Variants in TBL1XR1 observed in about 807,000 individuals in gnomAD.
TBL1XR1 encodes the protein TBL1X/Y related 1.
A neutral mutation model predicts 66.9 loss-of-function variants in TBL1XR1; 5 were observed. The observed-to-expected ratio is 0.07, with a 90% CI of 0.04 to 0.16. The LOEUF (loss-of-function observed/expected upper bound fraction) is 0.16, where lower values mean the gene tolerates loss of function less well. Ranked by LOEUF, TBL1XR1 falls within the 10% of genes least tolerant of loss-of-function variation. TBL1XR1 has a pLI of 1.00. For missense variants in TBL1XR1, 238 were observed against 623.2 expected, an observed-to-expected ratio of 0.38 and a Z score of 6.58; for synonymous variants, 210 against 206.0, an observed-to-expected ratio of 1.02 and a Z score of -0.17.
chr3:177,079,217 G>C (rs1382081210), intron 2 of TBL1XR1, among the ~76,000 whole-genome samples: 2 of 151,790 alleles, frequency 1.3e-5, no homozygotes, highest in African/African-American at 4.8e-5. Flanking sequence ...GGATCCCGAG[G>C]TCAGGAGATC....
At chr3:177,051,240 G>A (rs1717036607) in intron 5 of TBL1XR1, among the ~76,000 whole-genome samples, 1 of 151,894 alleles carries the variant, frequency 6.6e-6, no homozygotes, top group Non-Finnish European at 1.5e-5. Flanking sequence ...AGAAGATGGG[G>A]CATTTCTTCT....
chr3:177,167,714 T>G (rs558830427), intron 1 of TBL1XR1, among the ~76,000 whole-genome samples: 74 of 152,258 alleles, frequency 4.9e-4, no homozygotes, highest in African/African-American at 1.7e-3. Flanking sequence ...GCGGATCACC[T>G]AAGGTTGGGA....
At chr3:177,144,394 T>C (rs1459291207) in intron 1 of TBL1XR1, among the ~76,000 whole-genome samples, 5 of 152,142 alleles carry the variant, frequency 3.3e-5, no homozygotes, top group Non-Finnish European at 5.9e-5. Context: ...AAGGGCCAGA[T>C]AGTAATTCTT....
At chr3:177,123,808 A>G (rs1470766760) in intron 1 of TBL1XR1, among the ~76,000 whole-genome samples, 2 of 121,868 alleles carry the variant, frequency 1.6e-5, no homozygotes, top group African/African-American at 6.1e-5. Context: ...CAATCTACTC[A>G]AGTGGATCAT....
intron 2 of TBL1XR1, among the ~76,000 whole-genome samples, chr3:177,091,648 A>G (rs1722857737): frequency 6.6e-6 from 1 of 152,190 alleles, no homozygotes; most frequent in Non-Finnish European, 1.5e-5. Context: ...AATACAAACT[A>G]CAGTCAATAA....
rs368291107 is a variant in TBL1XR1, at chr3:177,096,335, T to TACATACACACACACAC, written c.-46+2130_-46+2131insGTGTGTGTGTGTATGT. Among the ~76,000 whole-genome samples the TACATACACACACACAC allele has an allele frequency of 2.1e-3, 310 of 150,314 alleles. 3 individuals carry two copies. The highest frequency in any genetic ancestry group is 3.7e-3 in the Non-Finnish European group (253 of 67,552). On this transcript the variant is annotated intron_variant, in intron 2 of 15. Coordinates refer to ENST00000457928, the MANE Select transcript of TBL1XR1 (RefSeq NM_024665.7). ...TCTAACACACACTAACATACATACATACACACACACACACACACTTAAATT... is the reference window on the plus strand; with the variant it reads ...TCTAACACACACTAACATACATACATACATACACACACACACACACACACACACACACACTTAAATT...
chr3:177,089,230 T>C (rs1316544818), intron 2 of TBL1XR1, among the ~76,000 whole-genome samples: 2 of 152,176 alleles, frequency 1.3e-5, no homozygotes, highest in Non-Finnish European at 2.9e-5. Flanking sequence ...TATTCATCAA[T>C]GCAGAAGAGG....
rs1399373954 is a variant in TBL1XR1 at position 177,112,105 on chromosome 3, ATATTTTTTT to A, written c.-121-13573_-121-13565del. On this transcript the variant is annotated intron_variant, in intron 1 of 15. Coordinates refer to ENST00000457928, the MANE Select transcript of TBL1XR1 (RefSeq NM_024665.7). ...TATATATATATATATATATATATATATATTTTTTTTTTTTTTTTTTGTGAGGGGCTCTGA... is the reference window on the plus strand; with the variant it reads ...TATATATATATATATATATATATATATTTTTTTTTTTGTGAGGGGCTCTGA... 9.9e-5 allele frequency among the ~76,000 whole-genome samples: 4 copies of A among 40,282 alleles called. No individual in the cohort carries two copies. The East Asian group carries it at 3.5e-3, about 35-fold the overall frequency. The allele number at this position is 40,282 out of a possible 152,430, so 26.4% of individuals were successfully genotyped here. A position where few individuals can be genotyped will look rare whatever the true frequency, so the allele number is the denominator to read the frequency against.
In TBL1XR1 at chr3:177,147,338, G is replaced by A. The variant is rs368589200; in HGVS notation, c.-121-48797C>T. On this transcript the variant is annotated intron_variant, in intron 1 of 15. Coordinates refer to ENST00000457928, the MANE Select transcript of TBL1XR1 (RefSeq NM_024665.7). ...TGCTGGGATTACAGGGATGAGCCAC[G>A]ATGCCCGACCAAGTAAAACTTCGTT... Among the ~76,000 whole-genome samples, 16 of 152,140 alleles carry A rather than the reference G, an allele frequency of 1.1e-4. No individual in the cohort carries two copies. In the South Asian group the frequency reaches 1.5e-3, roughly 14 times the overall value.
intron 3 of TBL1XR1, among the ~76,000 whole-genome samples, chr3:177,057,030 G>C (rs1001881737): frequency 2.0e-5 from 3 of 152,142 alleles, no homozygotes; most frequent in Non-Finnish European, 4.4e-5. Flanking sequence ...TCATAACAAA[G>C]GTCAAACGCC....
At chr3:177,148,224 T>G (rs985999927) in intron 1 of TBL1XR1, among the ~76,000 whole-genome samples, 9 of 152,226 alleles carry the variant, frequency 5.9e-5, no homozygotes, top group Non-Finnish European at 8.8e-5. Flanking sequence ...TGTTGAAAGT[T>G]TAAGTACAAA....
At chr3:177,198,213 GAA>G (rs1737177428), upstream of TBL1XR1, among the ~76,000 whole-genome samples, 1 of 152,176 alleles carries the variant, frequency 6.6e-6, no homozygotes, top group Admixed American at 6.5e-5. Context: ...GATCTGGAGA[GAA>G]AACACGCACA....
intron 1 of TBL1XR1, among the ~76,000 whole-genome samples, chr3:177,141,314 G>T (rs144911937): frequency 2.1e-4 from 32 of 152,206 alleles, no homozygotes; most frequent in African/African-American, 5.3e-4. Flanking sequence ...AACTGATTTT[G>T]ATTTCTAAAA....
chr3:177,171,808 G>C (rs192897185), intron 1 of TBL1XR1, among the ~76,000 whole-genome samples: 5 of 150,256 alleles, frequency 3.3e-5, no homozygotes, highest in Admixed American at 2.0e-4. Flanking sequence ...AAAAATACCA[G>C]AAGAGTTTGG....
At chr3:177,086,778 C>A (rs1286737520) in intron 2 of TBL1XR1, among the ~76,000 whole-genome samples, 2 of 151,528 alleles carry the variant, frequency 1.3e-5, no homozygotes, top group East Asian at 3.9e-4. Context: ...CCCACCCAAT[C>A]AAAAATCCAC....
intron 1 of TBL1XR1, among the ~76,000 whole-genome samples, chr3:177,122,174 T>G (rs1472752261): frequency 6.6e-6 from 1 of 152,080 alleles, no homozygotes. Context: ...ACTGTCAAAT[T>G]TACTTATTAC....
intron 10 of TBL1XR1, among the ~76,000 whole-genome samples, chr3:177,038,731 T>C (rs1375994742): frequency 1.3e-5 from 2 of 152,220 alleles, no homozygotes; most frequent in Non-Finnish European, 2.9e-5. Flanking sequence ...GGTTCTCTTT[T>C]ATAAAATGAT....
chr3:177,071,048 T>TTTTTTTTTTTTG (rs1719931112), intron 2 of TBL1XR1, among the ~76,000 whole-genome samples: 1 of 144,200 alleles, frequency 6.9e-6, no homozygotes, highest in African/African-American at 2.5e-5. Context: ...TTTTTTTTTT[T>TTTTTTTTTTTTG]GAGACAGAGT....
intron 13 of TBL1XR1, among the ~76,000 whole-genome samples, chr3:177,033,493 G>T (rs1363829514): frequency 1.3e-5 from 2 of 151,874 alleles, no homozygotes; most frequent in Admixed American, 6.6e-5. Flanking sequence ...ACACCAAAGT[G>T]ACCACATTTT....
Sources: allele counts gnomAD v4.1 joint callset (sites outside exome capture counted in the v4.1 genomes callset), GRCh38; gene constraint gnomAD v4.1.1; transcripts MANE v1.5; gene names NCBI Gene and HGNC (gene_info 2026-07-23, HGNC 2026-07-21).